Variants in HNRNPUL1 observed in about 807,000 individuals in gnomAD.
The protein encoded by HNRNPUL1 is heterogeneous nuclear ribonucleoprotein U like 1, also known as heterogeneous nuclear ribonucleoprotein U-like protein 1.
HNRNPUL1 carries 14 observed loss-of-function variants against 108.5 expected under a neutral mutation model. That is an observed-to-expected ratio of 0.13 (90% confidence interval 0.09 to 0.20). The LOEUF (loss-of-function observed/expected upper bound fraction) is 0.20. HNRNPUL1 is among the 10% of genes least tolerant of loss of function. The probability of loss-of-function intolerance (pLI) is 1.00; values close to 1 mark genes in which losing one functional copy is unlikely to be tolerated. For missense variants in HNRNPUL1, 804 were observed against 1,168.3 expected (o/e 0.69, Z 4.55); for synonymous variants, 422 against 445.2 (o/e 0.95, Z 0.66).
intron 5 of HNRNPUL1, 136 bp from the exon 6 acceptor site, chr19:41,278,941 G>A: frequency 1.5e-6 from 1 of 683,302 alleles, no homozygotes; most frequent in Non-Finnish European, 2.6e-6. Context: ...GCTTTTCAGA[G>A]CTGCTTAAAC....
In HNRNPUL1 at chr19:41,292,585, C is replaced by A. The variant is rs181859281; in HGVS notation, c.1266+74C>A. On this transcript the variant is annotated intron_variant, in intron 8 of 14. Coordinates refer to ENST00000392006, the MANE Select transcript of HNRNPUL1 (RefSeq NM_007040.6). This position sits in a 1 kb window ranked among gnomAD's most constrained non-coding sequence, Gnocchi z 4.1. ...GGAGACACACACACACACACACACA[C>A]AGACTTGCTGCGAGAGTAGCCTTGG... 1.7e-5 allele frequency: 25 copies of A among 1,476,028 alleles called. No individual in the cohort carries two copies. In the Admixed American group the frequency reaches 4.2e-4, roughly 25 times the overall value. 91.4% of individuals were successfully genotyped at this position (1,476,028 alleles called of 1,614,324 possible). A position where few individuals can be genotyped will look rare whatever the true frequency, so the allele number is the denominator to read the frequency against.
At chr19:41,271,236 G>A (rs184319463) in intron 2 of HNRNPUL1, among the ~76,000 whole-genome samples, 171 of 152,284 alleles carry the variant, frequency 1.1e-3, no homozygotes, top group African/African-American at 3.9e-3. Context: ...AGGTTAAACC[G>A]CAGATTTGTG....
intron 2 of HNRNPUL1, among the ~76,000 whole-genome samples, chr19:41,271,555 T>C (rs1310454639): frequency 6.6e-6 from 1 of 152,184 alleles, no homozygotes; most frequent in African/African-American, 2.4e-5. Context: ...GTAGCCTACA[T>C]CTGTGGTTTG....
rs376207597 is a variant in HNRNPUL1, at chr19:41,275,054, T to C, written c.646+999T>C. On this transcript the variant is annotated intron_variant, in intron 4 of 14. Transcript: ENST00000392006. ...GGAGGCGTGACTGGCTCCTTGAATATTGAGAATATTGAGAAGGGTAAGAGC... is the reference window on the plus strand; with the variant it reads ...GGAGGCGTGACTGGCTCCTTGAATACTGAGAATATTGAGAAGGGTAAGAGC... Among the ~76,000 whole-genome samples the C allele has an allele frequency of 9.2e-5, 14 of 152,084 alleles. 1 individual carries two copies. In the East Asian group the frequency reaches 1.5e-3, roughly 17 times the overall value.
intron 1 of HNRNPUL1, chr19:41,265,244 T>G (rs1599755395): frequency 2.1e-6 from 3 of 1,463,258 alleles, no homozygotes; most frequent in African/African-American, 1.5e-5. Context: ...GTTTCCAGGG[T>G]GGGGAAGGAA....
chr19:41,269,274 T>C (rs948982438), intron 2 of HNRNPUL1, among the ~76,000 whole-genome samples: 5 of 152,106 alleles, frequency 3.3e-5, no homozygotes, highest in African/African-American at 1.2e-4. Context: ...CAGACCAGAC[T>C]GGGCAACATA....
intron 7 of HNRNPUL1, among the ~76,000 whole-genome samples, chr19:41,288,802 C>T (rs560960956): frequency 2.0e-5 from 3 of 152,184 alleles, no homozygotes; most frequent in Admixed American, 6.5e-5. Flanking sequence ...CAGATAAATG[C>T]GGCTTGTCTT....
At chr19:41,264,900 A>G in intron 1 of HNRNPUL1, 102 bp downstream of exon 1, 1 of 1,340,048 alleles carries the variant, frequency 7.5e-7, no homozygotes, top group Non-Finnish European at 9.5e-7. Context: ...AGACGACCTG[A>G]GGATCGGGGG....
At chr19:41,264,358 C>G, upstream of HNRNPUL1, 3 of 578,820 alleles carry the variant, frequency 5.2e-6, no homozygotes, top group Non-Finnish European at 7.9e-6. Context: ...AGGGGGGAGG[C>G]GGTGGCGGCG....
In HNRNPUL1 at chr19:41,268,463, A is replaced by G. The variant is rs373791064; in HGVS notation, c.418+118A>G. The G allele has an allele frequency of 1.0e-4, 109 of 1,074,064 alleles. No individual in the cohort carries two copies. In the African/African-American group the frequency reaches 1.6e-3, roughly 16 times the overall value. The allele number at this position is 1,074,064 out of a possible 1,614,324, so 66.5% of individuals were successfully genotyped here. A position where few individuals can be genotyped will look rare whatever the true frequency, so the allele number is the denominator to read the frequency against. ...GTGCATCTTTTTTCTTGGGCAGTTCATCTAAACATTGTCACTCTGGCAAGA... is the reference window on the plus strand; with the variant it reads ...GTGCATCTTTTTTCTTGGGCAGTTCGTCTAAACATTGTCACTCTGGCAAGA... On this transcript the variant is annotated intron_variant, in intron 2 of 14. Transcript: ENST00000392006.
At chr19:41,304,990 C>T (rs1018731708) in intron 13 of HNRNPUL1, among the ~76,000 whole-genome samples, 2 of 152,188 alleles carry the variant, frequency 1.3e-5, no homozygotes, top group African/African-American at 4.8e-5. Context: ...AAATAGCTTC[C>T]CGTCTCTGGG....
At chr19:41,301,392 AAAG>A (rs1167070926) in intron 10 of HNRNPUL1, 141 bp from the exon 11 acceptor site, 7 of 649,374 alleles carry the variant, frequency 1.1e-5, no homozygotes, top group Admixed American at 3.2e-5. Flanking sequence ...TCTTCTAAGT[AAAG>A]AAGAGCTGTT....
intron 7 of HNRNPUL1, among the ~76,000 whole-genome samples, chr19:41,286,980 A>G (rs1468655453): frequency 6.6e-6 from 1 of 151,164 alleles, no homozygotes; most frequent in African/African-American, 2.4e-5. Context: ...AGCCTCCCAA[A>G]GTGCTGGGAT....
chr19:41,263,699 G>A (rs908350601), upstream of HNRNPUL1, among the ~76,000 whole-genome samples: 9 of 152,284 alleles, frequency 5.9e-5, no homozygotes, highest in Non-Finnish European at 1.2e-4. Flanking sequence ...TCCTCCTACA[G>A]CGAAATTTGT....
chr19:41,269,841 G>A (rs982541820), intron 2 of HNRNPUL1, among the ~76,000 whole-genome samples: 1 of 152,014 alleles, frequency 6.6e-6, no homozygotes, highest in Non-Finnish European at 1.5e-5. Context: ...TTACATGCCT[G>A]TAATCCCAAC....
chr19:41,296,785 A>G (rs1022702853), intron 10 of HNRNPUL1, among the ~76,000 whole-genome samples: 1 of 152,200 alleles, frequency 6.6e-6, no homozygotes, highest in Admixed American at 6.5e-5. Flanking sequence ...GGAAACCCAT[A>G]CTACAGGCAA....
Position 41,292,577 on chromosome 19 carries a change from C to T in HNRNPUL1, c.1266+66C>T. On this transcript the variant is annotated intron_variant, in intron 8 of 14. Transcript: ENST00000392006. The surrounding 1 kb of genome is among the most constrained non-coding windows in gnomAD (Gnocchi z 4.1). ...AAGACAGAGGAGACACACACACACACACACACACAGACTTGCTGCGAGAGT... is the reference window on the plus strand; with the variant it reads ...AAGACAGAGGAGACACACACACACATACACACACAGACTTGCTGCGAGAGT... 1 of 1,553,522 alleles carries T rather than the reference C, an allele frequency of 6.4e-7. No individual in the cohort carries two copies. Among genetic ancestry groups the T allele is most frequent in the Non-Finnish European group, 8.8e-7 (1 of 1,130,442 alleles).
intron 7 of HNRNPUL1, among the ~76,000 whole-genome samples, chr19:41,291,171 T>C (rs1330250088): frequency 6.6e-6 from 1 of 152,230 alleles, no homozygotes; most frequent in Non-Finnish European, 1.5e-5. Context: ...CCTCATCTTT[T>C]ATGCCTCAGC....
At chr19:41,289,862 G>A (rs1308134298) in intron 7 of HNRNPUL1, among the ~76,000 whole-genome samples, 2 of 151,772 alleles carry the variant, frequency 1.3e-5, no homozygotes, top group African/African-American at 2.4e-5. Context: ...ACAGGCACTC[G>A]CCACCATGAC....
Sources: allele counts gnomAD v4.1 joint callset (sites outside exome capture counted in the v4.1 genomes callset), GRCh38; gene constraint gnomAD v4.1.1; non-coding constraint Gnocchi (gnomAD v3.1); transcripts MANE v1.5; gene names NCBI Gene and HGNC (gene_info 2026-07-23, HGNC 2026-07-21).